BTBD9: variants seen among roughly 807,000 people sequenced by gnomAD.
BTBD9 encodes the protein BTB/POZ domain-containing protein 9.
Under a neutral mutation model 64.3 loss-of-function variants are expected in BTBD9, and 49 were observed. The observed-to-expected ratio is 0.76, with a 90% CI of 0.61 to 0.97. The LOEUF is 0.97. Among genes scored for constraint, BTBD9 ranks in the 50% least tolerant of loss-of-function variants. The probability of loss-of-function intolerance (pLI) is 0.00; values close to 1 mark genes in which losing one functional copy is unlikely to be tolerated. For missense variants in BTBD9, 598 were observed against 762.1 expected, an observed-to-expected ratio of 0.78 and a Z score of 2.53; for synonymous variants, 260 against 274.7, an observed-to-expected ratio of 0.95 and a Z score of 0.53.
chr6:38,474,811 T>C (rs1267044554), intron 6 of BTBD9, among the ~76,000 whole-genome samples: 1 of 152,116 alleles, frequency 6.6e-6, no homozygotes, highest in Non-Finnish European at 1.5e-5. Context: ...ATAAAAAAAA[T>C]TAGATGATCT....
intron 10 of BTBD9, among the ~76,000 whole-genome samples, chr6:38,188,750 C>G (rs960625182): frequency 1.3e-5 from 2 of 152,156 alleles, no homozygotes; most frequent in African/African-American, 4.8e-5. Flanking sequence ...GGGAAATGAT[C>G]AGGTTCAGCG....
At chr6:38,179,520 G>A (rs1380877749) in intron 10 of BTBD9, 7 of 456,768 alleles carry the variant, frequency 1.5e-5, no homozygotes, top group Admixed American at 2.3e-5. Flanking sequence ...GACTCTCACA[G>A]ACCCTTTCCC....
intron 7 of BTBD9, among the ~76,000 whole-genome samples, chr6:38,338,348 T>G (rs1382410613): frequency 2.0e-5 from 3 of 152,174 alleles, no homozygotes; most frequent in Admixed American, 1.3e-4. Context: ...TGTTTATATC[T>G]GGGATTTTCC....
intron 6 of BTBD9, among the ~76,000 whole-genome samples, chr6:38,443,589 G>A (rs977351937): frequency 6.6e-6 from 1 of 152,150 alleles, no homozygotes; most frequent in African/African-American, 2.4e-5. Flanking sequence ...GCAGGCAGCT[G>A]CTCAAGCCAG....
chr6:38,503,517 A>C (rs1772311360), intron 6 of BTBD9, among the ~76,000 whole-genome samples: 1 of 152,100 alleles, frequency 6.6e-6, no homozygotes, highest in South Asian at 2.1e-4. Flanking sequence ...AATGCCCCAT[A>C]AATCCCAGAG....
intron 7 of BTBD9, among the ~76,000 whole-genome samples, chr6:38,319,278 C>T (rs1763140850): frequency 6.6e-6 from 1 of 152,168 alleles, no homozygotes; most frequent in South Asian, 2.1e-4. Flanking sequence ...GGTACCTAAG[C>T]TGCAAGATGT....
intron 9 of BTBD9, among the ~76,000 whole-genome samples, chr6:38,204,511 G>T (rs927513593): frequency 1.3e-5 from 2 of 152,190 alleles, no homozygotes; most frequent in African/African-American, 2.4e-5. Flanking sequence ...TATACAGACA[G>T]AAAGTAGATT....
At chr6:38,532,158 T>C (rs969726805) in intron 6 of BTBD9, among the ~76,000 whole-genome samples, 10 of 152,186 alleles carry the variant, frequency 6.6e-5, no homozygotes, top group African/African-American at 2.4e-4. Flanking sequence ...TGCAAGGTAT[T>C]GTACTGAACT....
intron 6 of BTBD9, among the ~76,000 whole-genome samples, chr6:38,399,843 C>T (rs1051382602): frequency 1.2e-4 from 19 of 152,150 alleles, no homozygotes; most frequent in Non-Finnish European, 4.4e-5. Context: ...CCTCCGCCTC[C>T]CGGGTTCAAG....
At position 38,288,452 on chromosome 6, in the gene BTBD9, T is replaced by G. The variant is rs746441722; in HGVS notation, c.1274A>C (p.Glu425Ala). The G allele has an allele frequency of 2.5e-6, 4 of 1,613,712 alleles. No individual in the cohort carries two copies. The Admixed American group carries it at 6.7e-5, about 27-fold the overall frequency. ...TLEKGLIVPM[E>A]NVATIADCAS... Reference sequence around the variant, plus strand: ...ACAATCAGCAATTGTTGCAACATTCTCCATGGGAACTGTGAATCCAAAAAC... The same window carrying G: ...ACAATCAGCAATTGTTGCAACATTCGCCATGGGAACTGTGAATCCAAAAAC... The change falls in exon 8 of 11, where the codon GAG becomes GCG. Residue 425 changes from glutamate to alanine, a missense_variant. Glu to Ala is a moderately radical substitution (Grantham distance 107, BLOSUM62 -1). Transcript: ENST00000481247.
intron 6 of BTBD9, among the ~76,000 whole-genome samples, chr6:38,556,270 AATG>A (rs2127452272): frequency 6.6e-6 from 1 of 152,280 alleles, no homozygotes; most frequent in African/African-American, 2.4e-5. Context: ...GACTAAATAA[AATG>A]ATAACTAGTA....
chr6:38,516,810 G>C (rs1773048857), intron 6 of BTBD9, among the ~76,000 whole-genome samples: 1 of 152,106 alleles, frequency 6.6e-6, no homozygotes, highest in South Asian at 2.1e-4. Context: ...AAAAGAAAAT[G>C]GAAGACACAT....
chr6:38,481,263 C>T (rs946767694), intron 6 of BTBD9, among the ~76,000 whole-genome samples: 1 of 152,126 alleles, frequency 6.6e-6, no homozygotes, highest in Non-Finnish European at 1.5e-5. Flanking sequence ...AAGGAGACAA[C>T]CATAGCATCA....
chr6:38,236,348 A>C (rs546466876), intron 9 of BTBD9, among the ~76,000 whole-genome samples: 2 of 152,290 alleles, frequency 1.3e-5, no homozygotes, highest in Non-Finnish European at 2.9e-5. Flanking sequence ...AAATCATATG[A>C]CCTAGACATT....
intron 6 of BTBD9, among the ~76,000 whole-genome samples, chr6:38,560,850 G>A (rs1366691902): frequency 6.6e-6 from 1 of 152,144 alleles, no homozygotes; most frequent in Non-Finnish European, 1.5e-5. Context: ...TTCTGCTACT[G>A]GATTAGTTTG....
At chr6:38,258,606 A>G (rs1764684840) in intron 8 of BTBD9, among the ~76,000 whole-genome samples, 1 of 152,144 alleles carries the variant, frequency 6.6e-6, no homozygotes. Context: ...CTACAGCAAT[A>G]ATGGCCGGGC....
At chr6:38,223,468 G>T (rs2127510193) in intron 9 of BTBD9, among the ~76,000 whole-genome samples, 1 of 152,162 alleles carries the variant, frequency 6.6e-6, no homozygotes, top group East Asian at 1.9e-4. Context: ...CAAGTAGGTG[G>T]GACTACAGGC....
chr6:38,395,954 C>T (rs2127627721), intron 6 of BTBD9, among the ~76,000 whole-genome samples: 1 of 152,242 alleles, frequency 6.6e-6, no homozygotes, highest in Admixed American at 6.5e-5. Flanking sequence ...CGTGATTCGC[C>T]CGCCTCGGCC....
At chr6:38,207,020 C>T (rs928176629) in intron 9 of BTBD9, among the ~76,000 whole-genome samples, 7 of 152,186 alleles carry the variant, frequency 4.6e-5, no homozygotes, top group African/African-American at 1.4e-4. Flanking sequence ...CCCCTAGAGC[C>T]AGCAATTCCC....
Sources: allele counts gnomAD v4.1 joint callset (sites outside exome capture counted in the v4.1 genomes callset), GRCh38; gene constraint gnomAD v4.1.1; transcripts MANE v1.5; gene names NCBI Gene and HGNC (gene_info 2026-07-23, HGNC 2026-07-21).